Variants in RBL2 observed in about 807,000 individuals in gnomAD.
RBL2 encodes the protein RB transcriptional corepressor like 2, also known as retinoblastoma-like protein 2.
A neutral mutation model predicts 126.0 loss-of-function variants in RBL2; 56 were observed. The ratio of observed to expected loss-of-function variants is 0.44; its 90% CI spans 0.36 to 0.56. The LOEUF (loss-of-function observed/expected upper bound fraction) is 0.56, where lower values mean the gene tolerates loss of function less well. RBL2 is among the 20% of genes least tolerant of loss of function. RBL2 has a pLI of 0.00. For synonymous variants in RBL2, 454 were observed against 478.5 expected (o/e 0.95, Z 0.67); for missense variants, 1,229 against 1,398.2 (o/e 0.88, Z 1.93).
intron 11 of RBL2, among the ~76,000 whole-genome samples, chr16:53,463,133 A>G (rs11859538): frequency 0.55 from 82,931 of 152,112 alleles, 25,072 homozygotes; most frequent in African/African-American, 0.81. Context: ...GAGCCACCGC[A>G]CCTGGCCTGT....
chr16:53,447,072 C>A lies in RBL2; in HGVS notation c.603C>A (p.Phe201Leu), dbSNP rs1206342121. 1 of 1,590,996 alleles carries A rather than the reference C, an allele frequency of 6.3e-7. No individual in the cohort carries two copies. Among genetic ancestry groups the A allele is most frequent in the East Asian group, 2.3e-5 (1 of 44,048 alleles). ...AGCCCTGTACTGTGTCTGAAATTTT[C>A]CATTTTTGTTGGGTGCTTTTTATAT... is the stretch of plus-strand genomic sequence containing the variant. ...RRQPCTVSEIFHFCWVLFIYA... is the reference protein window; with the variant it reads ...RRQPCTVSEILHFCWVLFIYA... The change falls in exon 4 of 22, where the codon TTC (phenylalanine) becomes TTA (leucine). Residue 201 changes from phenylalanine to leucine, a missense_variant. Physicochemically the swap from Phe to Leu is conservative, Grantham distance 22. Transcript: ENST00000262133.
At chr16:53,437,756 A>G (rs529948019) in intron 1 of RBL2, among the ~76,000 whole-genome samples, 2 of 152,044 alleles carry the variant, frequency 1.3e-5, no homozygotes, top group African/African-American at 4.8e-5. Context: ...GGCCAGGCGC[A>G]GGGGCTCACG....
intron 9 of RBL2, among the ~76,000 whole-genome samples, 187 bp downstream of exon 9, chr16:53,459,804 ATTTC>A (rs1428925295): frequency 6.6e-6 from 1 of 151,758 alleles, no homozygotes; most frequent in East Asian, 1.9e-4. Flanking sequence ...CTTTCCTTAG[ATTTC>A]TTTAATATAA....
chr16:53,454,110 C>T (rs1396334760), intron 7 of RBL2: 1 of 405,582 alleles, frequency 2.5e-6, no homozygotes, highest in Non-Finnish European at 4.8e-6. Flanking sequence ...GGAAGTTGCA[C>T]CTACCAGCAG....
At chr16:53,435,862 G>T in intron 1 of RBL2, 1 of 1,009,166 alleles carries the variant, frequency 9.9e-7, no homozygotes, top group Non-Finnish European at 1.3e-6. Flanking sequence ...GAATTGTTAG[G>T]TCTGCAGAAG....
intron 9 of RBL2, among the ~76,000 whole-genome samples, chr16:53,461,142 G>A (rs1353761619): frequency 1.3e-5 from 2 of 152,024 alleles, no homozygotes; most frequent in African/African-American, 2.4e-5. Context: ...ACAGGTGGGG[G>A]ACAGTCATAG....
rs147486936 is a variant in RBL2 at position 53,470,798 on chromosome 16, T to C, written c.2579T>C (p.Ile860Thr). ...RLRDLCAKLD[I>T]SDELRKKIWT... ...CGGGATCTCTGTGCCAAACTAGATA[T>C]TTCAGATGAATTGAGGAAAAAAATC... The change falls in exon 17 of 22, where the codon ATT becomes ACT. Residue 860 changes from isoleucine to threonine, a missense_variant. By Grantham distance (89) the Ile-to-Thr change is moderately conservative (BLOSUM62 -1). This residue lies in a region of RBL2 where 1,070 missense variants were observed against 1,274.3 expected (regional missense o/e 0.84). Transcript: ENST00000262133. The C allele has an allele frequency of 1.1e-5, 18 of 1,614,252 alleles. No individual in the cohort carries two copies. The highest frequency in any genetic ancestry group is 4.5e-5 in the East Asian group (2 of 44,888).
intron 10 of RBL2, 104 bp downstream of exon 10, chr16:53,461,954 C>A: frequency 1.9e-6 from 2 of 1,043,596 alleles, no homozygotes; most frequent in Non-Finnish European, 2.9e-6. Flanking sequence ...TGACTTTAGA[C>A]TGAAGGCTAG....
chr16:53,454,043 G>A (rs1190227387), intron 7 of RBL2, among the ~76,000 whole-genome samples: 1 of 152,222 alleles, frequency 6.6e-6, no homozygotes, highest in Non-Finnish European at 1.5e-5. Flanking sequence ...TGATGTGTAA[G>A]TGTGGAAGTC....
intron 9 of RBL2, among the ~76,000 whole-genome samples, chr16:53,460,889 G>A (rs2058213296): frequency 6.6e-6 from 1 of 152,100 alleles, no homozygotes; most frequent in South Asian, 2.1e-4. Flanking sequence ...CTTACATGGT[G>A]ATAATTTGTA....
intron 18 of RBL2, 91 bp from the exon 19 acceptor site, chr16:53,479,795 T>C (rs571323256): frequency 1.2e-6 from 1 of 809,838 alleles, no homozygotes; most frequent in Non-Finnish European, 2.0e-6. Context: ...CAGGTTATTG[T>C]GAAAACCAAG....
chr16:53,465,695 T>G (rs2058265760), intron 13 of RBL2, 93 bp downstream of exon 13: 3 of 981,476 alleles, frequency 3.1e-6, no homozygotes, highest in East Asian at 5.9e-5. Context: ...CAATTAGGTT[T>G]AATATGTTAT....
rs1961416098 is a variant in RBL2, at chr16:53,491,093, C to T, written c.*793C>T. On this transcript the variant is annotated 3_prime_UTR_variant, in exon 22 of 22. Transcript: ENST00000262133. ...TTATATTTTTTTAAAATGTTAAAAC[C>T]CCTATAGCCACCTTTTGGGAATGTT... 6.6e-6 allele frequency: 1 copy of T among 152,416 alleles called. No individual in the cohort carries two copies. Among genetic ancestry groups the T allele is most frequent in the East Asian group, 1.9e-4 (1 of 5,196 alleles). The allele number at this position is 152,416 out of a possible 1,614,324, so 9.4% of individuals were successfully genotyped here.
chr16:53,436,620 G>A (rs1418206125), intron 1 of RBL2, among the ~76,000 whole-genome samples: 1 of 152,150 alleles, frequency 6.6e-6, no homozygotes, highest in Non-Finnish European at 1.5e-5. Flanking sequence ...GGAAAATAAA[G>A]CTCTTATGAT....
chr16:53,438,146 G>GAA (rs1376693202), intron 1 of RBL2, among the ~76,000 whole-genome samples: 1 of 152,222 alleles, frequency 6.6e-6, no homozygotes, highest in African/African-American at 2.4e-5. Context: ...CAGGTTCTGT[G>GAA]AGTAAGGAAT....
rs1398099291 is a variant in RBL2 at position 53,481,340 on chromosome 16, CAGT to C, written c.3085-330_3085-328del. 3 of 239,386 alleles carry C rather than the reference CAGT, an allele frequency of 1.3e-5. No individual in the cohort carries two copies. The Admixed American group carries it at 1.6e-4, about 13-fold the overall frequency. The allele number at this position is 239,386 out of a possible 1,614,324, so 14.8% of individuals were successfully genotyped here. A position where few individuals can be genotyped will look rare whatever the true frequency, so the allele number is the denominator to read the frequency against. ...TGGGTTCAAATTTTCCAGTACTTAACAGTGGTGGTAACCTTGCAAATCATTAAA... is the reference window on the plus strand; with the variant it reads ...TGGGTTCAAATTTTCCAGTACTTAACGGTGGTAACCTTGCAAATCATTAAA... On this transcript the variant is annotated intron_variant, in intron 20 of 21. Transcript: ENST00000262133.
intron 14 of RBL2, among the ~76,000 whole-genome samples, chr16:53,468,389 A>C (rs898164897): frequency 1.3e-5 from 2 of 151,996 alleles, no homozygotes; most frequent in African/African-American, 2.4e-5. Context: ...CAACCCCCCC[A>C]AAAAAATCAC....
At chr16:53,482,331 T>G (rs1960986379) in intron 21 of RBL2, among the ~76,000 whole-genome samples, 1 of 152,162 alleles carries the variant, frequency 6.6e-6, no homozygotes, top group Admixed American at 6.5e-5. Flanking sequence ...GAGTCAGGCC[T>G]TAATGTTGAA....
At chr16:53,481,431 GGTT>G (rs920539023) in intron 20 of RBL2, 2 of 405,964 alleles carry the variant, frequency 4.9e-6, no homozygotes, top group Non-Finnish European at 8.7e-6. Context: ...TAGCATATGG[GGTT>G]GTTGTAAGGA....
Sources: gnomAD v4.1 joint callset for allele counts (sites outside exome capture counted in the v4.1 genomes callset) on GRCh38, gnomAD v4.1.1 for gene constraint, gnomAD v4.1.1 regional missense constraint, MANE v1.5 for transcripts, NCBI Gene and HGNC (gene_info 2026-07-23, HGNC 2026-07-21) for gene names.